ZFAND6: variants seen among roughly 807,000 people sequenced by gnomAD.
ZFAND6 encodes AN1-type zinc finger protein 6.
In ZFAND6, 12 loss-of-function variants were observed where a neutral mutation model predicts 24.5. That is an observed-to-expected ratio of 0.49 (90% CI 0.31 to 0.79). The LOEUF (loss-of-function observed/expected upper bound fraction) is 0.79, where lower values mean the gene tolerates loss of function less well. Ranked by LOEUF, ZFAND6 falls within the 30% of genes least tolerant of loss-of-function variation. The probability of loss-of-function intolerance (pLI) is 0.04; values close to 1 mark genes in which losing one functional copy is unlikely to be tolerated. For missense variants in ZFAND6, 207 were observed against 245.9 expected, an observed-to-expected ratio of 0.84 and a Z score of 1.06; for synonymous variants, 92 against 81.5, an observed-to-expected ratio of 1.13 and a Z score of -0.69.
chr15:80,121,949 A>T, intron 4 of ZFAND6, 129 bp downstream of exon 4: 1 of 767,032 alleles, frequency 1.3e-6, no homozygotes, highest in Non-Finnish European at 2.0e-6. Context: ...TTATCGTCTG[A>T]TTATAACTAG....
intron 1 of ZFAND6, among the ~76,000 whole-genome samples, chr15:80,086,665 A>C (rs957202421): frequency 1.3e-5 from 2 of 152,216 alleles, no homozygotes; most frequent in Non-Finnish European, 2.9e-5. Context: ...ATTGTGATAA[A>C]ATATACATAA....
intron 2 of ZFAND6, among the ~76,000 whole-genome samples, chr15:80,119,261 G>A (rs2040037702): frequency 6.6e-6 from 1 of 151,966 alleles, no homozygotes; most frequent in Admixed American, 6.6e-5. Flanking sequence ...CCTCTGTCCT[G>A]TTAGTTTTTA....
chr15:80,131,145 ATAAT>A (rs1268766195), intron 5 of ZFAND6, 31 bp from the exon 6 acceptor site: 1 of 1,488,450 alleles, frequency 6.7e-7, no homozygotes, highest in African/African-American at 1.4e-5. Flanking sequence ...ATCTTACAGA[ATAAT>A]TAAATTTTGC....
intron 5 of ZFAND6, 57 bp downstream of exon 5, chr15:80,122,857 T>C (rs2040207187): frequency 1.5e-6 from 2 of 1,377,824 alleles, no homozygotes; most frequent in Non-Finnish European, 2.0e-6. Context: ...CCAGACACTA[T>C]CCTAGGTGCA....
chr15:80,098,088 G>A (rs2038837193), intron 1 of ZFAND6, among the ~76,000 whole-genome samples: 1 of 152,172 alleles, frequency 6.6e-6, no homozygotes, highest in Non-Finnish European at 1.5e-5. Flanking sequence ...GTGTTCTTTA[G>A]TTGGTAGCTG....
chr15:80,126,389 A>G (rs1202009890), intron 5 of ZFAND6, among the ~76,000 whole-genome samples: 1 of 152,228 alleles, frequency 6.6e-6, no homozygotes, highest in Admixed American at 6.5e-5. Flanking sequence ...TTCAAAATTG[A>G]GTACAAGCTA....
At chr15:80,121,612 T>C in intron 3 of ZFAND6, 100 bp from the exon 4 acceptor site, 1 of 918,276 alleles carries the variant, frequency 1.1e-6, no homozygotes, top group East Asian at 2.7e-5. Flanking sequence ...AGAAAACCTC[T>C]ATACTGTGTT....
chr15:80,108,393 C>G (rs767136446), intron 2 of ZFAND6, among the ~76,000 whole-genome samples: 11 of 152,028 alleles, frequency 7.2e-5, no homozygotes, highest in Non-Finnish European at 1.6e-4. Flanking sequence ...AATAAAAAGC[C>G]ATAGATAGAT....
At chr15:80,079,848 G>T (rs2037543727) in intron 1 of ZFAND6, among the ~76,000 whole-genome samples, 1 of 150,246 alleles carries the variant, frequency 6.7e-6, no homozygotes, top group African/African-American at 2.5e-5. Context: ...TAGAGTCGGG[G>T]TTTCACCGTA....
Position 80,086,466 on chromosome 15 carries a change from T to C in ZFAND6, c.-180-11950T>C, listed in dbSNP as rs926642543. Among the ~76,000 whole-genome samples, 9 of 152,394 alleles carry C rather than the reference T, an allele frequency of 5.9e-5. No homozygotes were observed. In the East Asian group the frequency reaches 7.7e-4, roughly 13 times the overall value. On this transcript the variant is annotated intron_variant, in intron 1 of 6. Coordinates refer to ENST00000261749, the MANE Select transcript of ZFAND6 (RefSeq NM_019006.4). ...CCACAATCCACTTTTAGAACATTTCTGTCACCCAAAATATTCCTTGAACCA... is the reference window on the plus strand; with the variant it reads ...CCACAATCCACTTTTAGAACATTTCCGTCACCCAAAATATTCCTTGAACCA...
chr15:80,095,213 G>T (rs1057237878), intron 1 of ZFAND6, among the ~76,000 whole-genome samples: 22 of 152,104 alleles, frequency 1.4e-4, no homozygotes, highest in African/African-American at 5.3e-4. Context: ...TTTTTGAAGA[G>T]AGTGACAGAC....
intron 5 of ZFAND6, chr15:80,130,939 A>C (rs2040572110): frequency 2.5e-6 from 1 of 392,442 alleles, no homozygotes; most frequent in African/African-American, 2.1e-5. Flanking sequence ...AACCTAAAGA[A>C]AGTCTATAAA....
At chr15:80,087,090 C>T (rs2038052436) in intron 1 of ZFAND6, among the ~76,000 whole-genome samples, 1 of 152,126 alleles carries the variant, frequency 6.6e-6, no homozygotes, top group African/African-American at 2.4e-5. Flanking sequence ...TGCTTTTATG[C>T]TTTGTCTGTT....
chr15:80,101,487 T>C (rs140770887), intron 2 of ZFAND6, among the ~76,000 whole-genome samples: 1 of 152,200 alleles, frequency 6.6e-6, no homozygotes, highest in Non-Finnish European at 1.5e-5. Context: ...AAAAAATCTT[T>C]ACTCCCCTGC....
intron 1 of ZFAND6, among the ~76,000 whole-genome samples, chr15:80,066,360 T>C (rs1438882846): frequency 1.3e-5 from 2 of 151,826 alleles, no homozygotes; most frequent in East Asian, 3.9e-4. Flanking sequence ...TTGCCCAGGC[T>C]GGAGTGCAGT....
chr15:80,137,567 C>T lies in ZFAND6; in HGVS notation c.566C>T (p.Ala189Val), dbSNP rs371685766. ...TGCTCTTACAATTACAAAGCCGATG[C>T]TGCTGAGAAAATCAGAAAAGAAAAT... is the stretch of plus-strand genomic sequence containing the variant. ...HNCSYNYKAD[A>V]AEKIRKENPV... Residue 189 changes from alanine (A) to valine (V), a missense_variant, in exon 7 of 7, where the codon GCT (alanine) becomes GTT (valine). This residue lies in a region of ZFAND6 where 45 missense variants were observed against 67.7 expected (regional missense o/e 0.66). Coordinates refer to ENST00000261749, the MANE Select transcript of ZFAND6 (RefSeq NM_019006.4). The T allele has an allele frequency of 6.2e-7, 1 of 1,605,676 alleles. No individual in the cohort carries two copies. Among genetic ancestry groups the T allele is most frequent in the Non-Finnish European group, 8.5e-7 (1 of 1,177,158 alleles).
chr15:80,133,199 G>GTTTTT (rs3082115), intron 6 of ZFAND6, among the ~76,000 whole-genome samples: 1 of 145,584 alleles, frequency 6.9e-6, no homozygotes. Flanking sequence ...TTTGTTTTTT[G>GTTTTT]TTTTTTTTTT....
intron 1 of ZFAND6, chr15:80,073,219 A>C (rs895110283): frequency 1.3e-5 from 3 of 224,410 alleles, no homozygotes; most frequent in Non-Finnish European, 2.9e-5. Flanking sequence ...GAACAAAGTG[A>C]AACTGCTTTC....
At chr15:80,089,613 G>C (rs762374523) in intron 1 of ZFAND6, among the ~76,000 whole-genome samples, 1 of 152,006 alleles carries the variant, frequency 6.6e-6, no homozygotes, top group Non-Finnish European at 1.5e-5. Flanking sequence ...AAATGAATAT[G>C]TAATCTCTGC....
Sources: gnomAD v4.1 joint callset for allele counts (sites outside exome capture counted in the v4.1 genomes callset) on GRCh38, gnomAD v4.1.1 for gene constraint, gnomAD v4.1.1 regional missense constraint, MANE v1.5 for transcripts, NCBI Gene and HGNC (gene_info 2026-07-23, HGNC 2026-07-21) for gene names.